The following CA10 variants were observed in gnomAD, a reference collection of about 807,000 sequenced individuals.
CA10 encodes the protein carbonic anhydrase-related protein 10.
A neutral mutation model predicts 44.2 loss-of-function variants in CA10; 14 were observed. That is an observed-to-expected ratio of 0.32 (90% confidence interval 0.21 to 0.50). The LOEUF (loss-of-function observed/expected upper bound fraction) is 0.50. CA10 is among the 20% of genes least tolerant of loss of function. CA10 has a pLI of 0.99. For synonymous variants in CA10, 159 were observed against 141.6 expected (o/e 1.12, Z -0.87); for missense variants, 350 against 409.7 (o/e 0.85, Z 1.26).
intron 2 of CA10, among the ~76,000 whole-genome samples, chr17:52,003,269 C>T (rs2144122784): frequency 6.6e-6 from 1 of 152,012 alleles, no homozygotes; most frequent in South Asian, 2.1e-4. Flanking sequence ...CTTCCCTCAC[C>T]CCTTTTTCAC....
intron 4 of CA10, among the ~76,000 whole-genome samples, chr17:51,710,872 G>A (rs1007741620): frequency 5.3e-5 from 8 of 150,594 alleles, no homozygotes; most frequent in Admixed American, 5.3e-4. Context: ...GCAATCATGG[G>A]ACCAACTAAA....
chr17:52,041,045 T>C (rs371285235), intron 2 of CA10, among the ~76,000 whole-genome samples: 4 of 152,012 alleles, frequency 2.6e-5, no homozygotes, highest in African/African-American at 9.6e-5. Context: ...ATGGTCTTGG[T>C]AGAGGAGCTA....
rs575526648 is a variant in CA10, at chr17:51,971,212, A to G, written c.137-40080T>C. 1.5e-4 allele frequency among the ~76,000 whole-genome samples: 23 copies of G among 152,162 alleles called. No individual in the cohort carries two copies. The East Asian group carries it at 4.2e-3, about 28-fold the overall frequency. Reference sequence around the variant, plus strand: ...GAGGAGTGCCTAGAAATGAACCTAGAATAAAACATGCTCATTTTTACAGGC... The same window carrying G: ...GAGGAGTGCCTAGAAATGAACCTAGGATAAAACATGCTCATTTTTACAGGC... On this transcript the variant is annotated intron_variant, in intron 2 of 8. Transcript: ENST00000451037.
At chr17:51,641,399 G>A (rs10491155) in intron 6 of CA10, among the ~76,000 whole-genome samples, 101,513 of 151,802 alleles carry the variant, frequency 0.67, 34,539 homozygotes, top group South Asian at 0.76. Context: ...CTATGGATCC[G>A]AAACCATCTT....
At chr17:51,668,326 G>C (rs1405937879) in intron 4 of CA10, among the ~76,000 whole-genome samples, 2 of 152,238 alleles carry the variant, frequency 1.3e-5, no homozygotes, top group African/African-American at 4.8e-5. Flanking sequence ...CAGAGAGAGA[G>C]AGAGAAACCC....
Position 52,157,853 on chromosome 17 carries a change from G to GCACA in CA10, c.-71_-68dup. 4 of 1,249,436 alleles carry GCACA rather than the reference G, an allele frequency of 3.2e-6. No individual in the cohort carries two copies. Among genetic ancestry groups the GCACA allele is most frequent in the Non-Finnish European group, 4.7e-6 (4 of 847,438 alleles). The allele number at this position is 1,249,436 out of a possible 1,614,324, so 77.4% of individuals were successfully genotyped here. On this transcript the variant is annotated 5_prime_UTR_variant, in exon 1 of 9. The change abolishes the stop of an existing upstream ORF in the 5' untranslated region. Coordinates refer to ENST00000451037, the MANE Select transcript of CA10 (RefSeq NM_020178.5). ...GGGGGGAAGGGGGGAGCCCGACACG[G>GCACA]CACACACACATACACACTCGCACAC...
At chr17:52,003,864 A>G (rs1472663936) in intron 2 of CA10, among the ~76,000 whole-genome samples, 3 of 151,868 alleles carry the variant, frequency 2.0e-5, no homozygotes, top group Non-Finnish European at 2.9e-5. Context: ...TTCTATGTGC[A>G]AAAAAGCTTA....
intron 3 of CA10, among the ~76,000 whole-genome samples, chr17:51,798,961 C>G (rs1567843417): frequency 6.6e-6 from 1 of 152,170 alleles, no homozygotes. Flanking sequence ...CAGTGAACAT[C>G]AAGGGGAGCC....
intron 3 of CA10, among the ~76,000 whole-genome samples, chr17:51,921,073 A>C (rs914094989): frequency 1.3e-4 from 20 of 152,210 alleles, no homozygotes; most frequent in African/African-American, 4.8e-4. Flanking sequence ...TAGTGCTTTA[A>C]AGGGTGTTTT....
intron 3 of CA10, among the ~76,000 whole-genome samples, chr17:51,895,784 A>G (rs1223912677): frequency 6.6e-6 from 1 of 152,112 alleles, no homozygotes; most frequent in Non-Finnish European, 1.5e-5. Flanking sequence ...TGTTGTAGAC[A>G]CTGCTTTATT....
At chr17:52,117,737 A>G (rs892103031) in intron 1 of CA10, among the ~76,000 whole-genome samples, 2 of 152,242 alleles carry the variant, frequency 1.3e-5, no homozygotes, top group African/African-American at 4.8e-5. Flanking sequence ...ACCACTGAAA[A>G]TGGATTTACA....
rs575038905 is a variant in CA10, at chr17:51,747,882, C to T, written c.280-64G>A. On this transcript the variant is annotated intron_variant, in intron 3 of 8. Transcript: ENST00000451037. ...TTCTTCTATGCCTCCCCAAACCCAG[C>T]ATGGTGCTTGGATCAACACCTTTTG... is the stretch of plus-strand genomic sequence containing the variant. 3 of 1,295,978 alleles carry T rather than the reference C, an allele frequency of 2.3e-6. No individual in the cohort carries two copies. In the African/African-American group the frequency reaches 4.4e-5, roughly 19 times the overall value. The allele number at this position is 1,295,978 out of a possible 1,614,324, so 80.3% of individuals were successfully genotyped here. A position where few individuals can be genotyped will look rare whatever the true frequency, so the allele number is the denominator to read the frequency against.
intron 1 of CA10, among the ~76,000 whole-genome samples, chr17:52,146,611 A>AC (rs1989592311): frequency 6.6e-6 from 1 of 152,066 alleles, no homozygotes; most frequent in Admixed American, 6.5e-5. Flanking sequence ...AATGGCGTGA[A>AC]CCCAGGAGGC....
At chr17:52,046,459 T>TATGAAA (rs2144201263) in intron 2 of CA10, among the ~76,000 whole-genome samples, 2 of 151,994 alleles carry the variant, frequency 1.3e-5, no homozygotes, top group Admixed American at 1.3e-4. Context: ...TAATAAATTT[T>TATGAAA]ACAACTTATA....
rs561364812 is a variant in CA10, at chr17:51,714,533, A to G, written c.465+33100T>C. Reference sequence around the variant, plus strand: ...TCCTCATCACTATGGTTATTTTACAAGGTTGGACCTTCTCTAGATACCTGA... The same window carrying G: ...TCCTCATCACTATGGTTATTTTACAGGGTTGGACCTTCTCTAGATACCTGA... On this transcript the variant is annotated intron_variant, in intron 4 of 8. Transcript: ENST00000451037. Among the ~76,000 whole-genome samples, 3 of 152,242 alleles carry G rather than the reference A, an allele frequency of 2.0e-5. No homozygotes were observed. The East Asian group carries it at 5.8e-4, about 29-fold the overall frequency.
chr17:51,849,787 A>G (rs542315307), intron 3 of CA10, among the ~76,000 whole-genome samples: 1 of 152,330 alleles, frequency 6.6e-6, no homozygotes, highest in African/African-American at 2.4e-5. Flanking sequence ...CCACTCGGGA[A>G]ATGGGCAATG....
chr17:52,076,278 T>G (rs981479582), intron 1 of CA10, among the ~76,000 whole-genome samples: 3 of 152,196 alleles, frequency 2.0e-5, no homozygotes, highest in Non-Finnish European at 4.4e-5. Context: ...CTGACAAGAT[T>G]ATCACCAAAA....
intron 2 of CA10, among the ~76,000 whole-genome samples, chr17:51,959,277 T>TCGCTCG (rs762697541): frequency 1.5e-5 from 2 of 133,178 alleles, no homozygotes; most frequent in East Asian, 4.4e-4. Context: ...TCTCGCTCTC[T>TCGCTCG]CTCTCTGTGT....
chr17:51,717,125 T>G (rs540262265), intron 4 of CA10, among the ~76,000 whole-genome samples: 6 of 152,248 alleles, frequency 3.9e-5, no homozygotes, highest in Non-Finnish European at 8.8e-5. Context: ...CTAGGGGAAT[T>G]TTTTTGTTCT....
Sources: gnomAD v4.1 joint callset for allele counts (sites outside exome capture counted in the v4.1 genomes callset) on GRCh38, gnomAD v4.1.1 for gene constraint, MANE v1.5 for transcripts, NCBI Gene and HGNC (gene_info 2026-07-23, HGNC 2026-07-21) for gene names.